The following OTUD7A variants were observed in gnomAD, a reference collection of about 807,000 sequenced individuals.
OTUD7A encodes the protein OTU deubiquitinase 7A, also known as OTU domain-containing protein 7A.
OTUD7A carries 12 observed loss-of-function variants against 65.7 expected under a neutral mutation model. That is an observed-to-expected ratio of 0.18 (90% confidence interval 0.12 to 0.30). The LOEUF is 0.30. OTUD7A is among the 10% of genes least tolerant of loss of function. The pLI is 1.00. For missense variants in OTUD7A, 1,148 were observed against 1,304.8 expected (o/e 0.88, Z 1.85); for synonymous variants, 641 against 586.3 (o/e 1.09, Z -1.35).
intron 4 of OTUD7A, among the ~76,000 whole-genome samples, chr15:31,562,519 A>G (rs1056427312): frequency 1.3e-5 from 2 of 151,624 alleles, no homozygotes; most frequent in African/African-American, 4.9e-5. Flanking sequence ...CCTCACTCCT[A>G]TCTCCAGATG....
chr15:31,608,747 T>C (rs945923136), intron 3 of OTUD7A, among the ~76,000 whole-genome samples: 2 of 152,208 alleles, frequency 1.3e-5, no homozygotes, highest in Non-Finnish European at 2.9e-5. Context: ...ATGGTGGACA[T>C]GAGGCAGGAC....
chr15:31,592,165 T>C (rs1053598640), intron 3 of OTUD7A, among the ~76,000 whole-genome samples: 3 of 152,218 alleles, frequency 2.0e-5, no homozygotes, highest in African/African-American at 7.2e-5. Context: ...TACACTACTG[T>C]AGACTTCAGA....
At chr15:31,625,088 C>G (rs1890910692) in intron 3 of OTUD7A, among the ~76,000 whole-genome samples, 1 of 152,188 alleles carries the variant, frequency 6.6e-6, no homozygotes, top group Non-Finnish European at 1.5e-5. Flanking sequence ...GGGAAGTCAA[C>G]TGATGCTTTA....
intron 1 of OTUD7A, among the ~76,000 whole-genome samples, chr15:31,735,909 A>C (rs1445700965): frequency 6.6e-6 from 1 of 152,248 alleles, no homozygotes; most frequent in East Asian, 1.9e-4. Context: ...TGTCTTTTGC[A>C]GGGACATGGA....
At chr15:31,640,449 T>G (rs1274966213) in intron 3 of OTUD7A, among the ~76,000 whole-genome samples, 1 of 152,154 alleles carries the variant, frequency 6.6e-6, no homozygotes, top group African/African-American at 2.4e-5. Flanking sequence ...TTCTCCTGTG[T>G]TTTTTTCTAG....
chr15:31,729,476 T>C (rs1229949303), intron 1 of OTUD7A, among the ~76,000 whole-genome samples: 1 of 152,206 alleles, frequency 6.6e-6, no homozygotes, highest in African/African-American at 2.4e-5. Flanking sequence ...GAAGCTTGCA[T>C]TTAAAGTAGT....
chr15:31,496,522 G>A lies in OTUD7A; in HGVS notation c.1171+5168C>T, dbSNP rs559532144. Among the ~76,000 whole-genome samples, 471 of 152,262 alleles carry A rather than the reference G, an allele frequency of 3.1e-3. 2 individuals are homozygous for A. The highest frequency in any genetic ancestry group is 0.01 in the African/African-American group (433 of 41,556). ...CAGGCATGAGCCACCGCGCCCCGCC[G>A]ATAAATGATTCTTTAACACAATTTT... is the stretch of plus-strand genomic sequence containing the variant. On this transcript the variant is annotated intron_variant, in intron 10 of 12. Coordinates refer to ENST00000307050, the MANE Select transcript of OTUD7A (RefSeq NM_001382637.1).
chr15:31,834,949 C>G (rs1166709131), intron 1 of OTUD7A, among the ~76,000 whole-genome samples: 1 of 152,190 alleles, frequency 6.6e-6, no homozygotes, highest in Non-Finnish European at 1.5e-5. Flanking sequence ...GAGTGAGCAA[C>G]GATGGTGCAG....
intron 3 of OTUD7A, among the ~76,000 whole-genome samples, chr15:31,590,503 G>A (rs569219450): frequency 2.6e-5 from 4 of 152,092 alleles, no homozygotes; most frequent in East Asian, 1.9e-4. Context: ...CATTCATCAC[G>A]TGATGGAAAT....
rs768446850 is a variant in OTUD7A at position 31,559,054 on chromosome 15, G to A, written c.465C>T (p.Asp155=). 1.9e-6 allele frequency: 3 copies of A among 1,614,196 alleles called. No individual in the cohort carries two copies. The highest frequency in any genetic ancestry group is 1.1e-5 in the South Asian group (1 of 91,086). Reference sequence around the variant, plus strand: ...TGAAATCCTCGCTGTACACGCTCAGGTCTGGCAACTGGAATGTGTAGATTG... The same window carrying A: ...TGAAATCCTCGCTGTACACGCTCAGATCTGGCAACTGGAATGTGTAGATTG... ...EMPIYTFQLP[D]LSVYSEDFRS... is the part of the protein sequence containing the mutation. The change falls in exon 5 of 13, where the codon GAC becomes GAT. Residue 155 remains aspartate, a synonymous_variant. Coordinates refer to ENST00000307050, the MANE Select transcript of OTUD7A (RefSeq NM_001382637.1).
chr15:31,776,980 TA>T (rs375708760), intron 1 of OTUD7A, among the ~76,000 whole-genome samples: 4,088 of 145,004 alleles, frequency 0.028, 150 homozygotes, highest in African/African-American at 0.087. Flanking sequence ...AATCTAACTC[TA>T]AAAAAAAAAA....
At chr15:31,735,127 C>T (rs1305206576) in intron 1 of OTUD7A, among the ~76,000 whole-genome samples, 1 of 152,176 alleles carries the variant, frequency 6.6e-6, no homozygotes, top group Non-Finnish European at 1.5e-5. Flanking sequence ...ATGTAGTCAA[C>T]AATCATATGA....
At chr15:31,509,388 T>G (rs1469234286) in intron 8 of OTUD7A, among the ~76,000 whole-genome samples, 2 of 152,054 alleles carry the variant, frequency 1.3e-5, no homozygotes, top group Non-Finnish European at 2.9e-5. Context: ...ACGCCATTCT[T>G]TTGCCTCAGC....
intron 1 of OTUD7A, among the ~76,000 whole-genome samples, chr15:31,688,237 T>C (rs8042234): frequency 0.03 from 4,504 of 151,380 alleles, 128 homozygotes; most frequent in African/African-American, 0.064. Context: ...AAAGTAACTT[T>C]ATAAAGAGAA....
At chr15:31,700,380 C>T (rs535751413) in intron 1 of OTUD7A, among the ~76,000 whole-genome samples, 6 of 152,224 alleles carry the variant, frequency 3.9e-5, no homozygotes, top group Admixed American at 1.3e-4. Flanking sequence ...TGCACTTATA[C>T]GTCTCACAGG....
At chr15:31,565,539 C>A (rs927385459) in intron 4 of OTUD7A, among the ~76,000 whole-genome samples, 1 of 152,074 alleles carries the variant, frequency 6.6e-6, no homozygotes, top group African/African-American at 2.4e-5. Flanking sequence ...AAATAAAAAT[C>A]CATTCCAATT....
In OTUD7A at chr15:31,574,521, C is replaced by CA. The variant is rs1889147687; in HGVS notation, c.152-4325dup. Among the ~76,000 whole-genome samples the CA allele has an allele frequency of 5.9e-5, 9 of 151,288 alleles. No homozygotes were observed. In the South Asian group the frequency reaches 1.9e-3, roughly 31 times the overall value. On this transcript the variant is annotated intron_variant, in intron 3 of 12. Transcript: ENST00000307050. Reference sequence around the variant, plus strand: ...GTTTATCAGGTACACAAGACAAAGACAAAACAACAGTAACAACAAAACTGA... The same window carrying CA: ...GTTTATCAGGTACACAAGACAAAGACAAAAACAACAGTAACAACAAAACTGA...
intron 1 of OTUD7A, among the ~76,000 whole-genome samples, chr15:31,777,446 G>C (rs1895413860): frequency 6.6e-6 from 1 of 152,212 alleles, no homozygotes; most frequent in Non-Finnish European, 1.5e-5. Context: ...GTGGGCATTA[G>C]GACCTTCATG....
intron 1 of OTUD7A, among the ~76,000 whole-genome samples, chr15:31,794,627 T>C (rs1467000196): frequency 6.5e-5 from 5 of 77,458 alleles, no homozygotes; most frequent in Admixed American, 1.5e-4. Flanking sequence ...GGGAATAGAA[T>C]AGTGAAAAAA....
Sources: allele counts gnomAD v4.1 joint callset (sites outside exome capture counted in the v4.1 genomes callset), GRCh38; gene constraint gnomAD v4.1.1; transcripts MANE v1.5; gene names NCBI Gene and HGNC (gene_info 2026-07-23, HGNC 2026-07-21).